CDH12: variants seen among roughly 807,000 people sequenced by gnomAD.
CDH12 encodes cadherin-12.
Under a neutral mutation model 74.1 loss-of-function variants are expected in CDH12, and 41 were observed. The observed-to-expected ratio is 0.55, with a 90% CI of 0.43 to 0.72. CDH12 has a LOEUF of 0.72. CDH12 is among the 30% of genes least tolerant of loss of function. The pLI, the probability that CDH12 is intolerant of heterozygous loss-of-function variation, is 0.00. For missense variants in CDH12, 945 were observed against 977.2 expected, an observed-to-expected ratio of 0.97 and a Z score of 0.44; for synonymous variants, 399 against 355.0, an observed-to-expected ratio of 1.12 and a Z score of -1.39.
chr5:21,889,287 G>GTA (rs1397664371), intron 6 of CDH12, among the ~76,000 whole-genome samples: 1 of 152,028 alleles, frequency 6.6e-6, no homozygotes, highest in Non-Finnish European at 1.5e-5. Context: ...TATTTTTCCT[G>GTA]TATATATTAT....
intron 1 of CDH12, among the ~76,000 whole-genome samples, chr5:22,827,433 C>T (rs976467996): frequency 1.3e-5 from 2 of 151,976 alleles, no homozygotes; most frequent in African/African-American, 4.8e-5. Context: ...ATTTATAAGA[C>T]TGTAAAGAGG....
At chr5:21,864,600 C>T (rs1579858826) in intron 6 of CDH12, among the ~76,000 whole-genome samples, 1 of 152,234 alleles carries the variant, frequency 6.6e-6, no homozygotes, top group African/African-American at 2.4e-5. Flanking sequence ...TATTCTATTA[C>T]AGGAGCACAA....
chr5:21,978,768 A>G (rs1184808229), intron 5 of CDH12, among the ~76,000 whole-genome samples: 4 of 152,120 alleles, frequency 2.6e-5, no homozygotes, highest in Non-Finnish European at 5.9e-5. Context: ...ATGTATACGC[A>G]CGTGTTTATG....
At chr5:21,917,322 A>T (rs1412755566) in intron 6 of CDH12, among the ~76,000 whole-genome samples, 26 of 152,166 alleles carry the variant, frequency 1.7e-4, no homozygotes, top group Admixed American at 1.7e-3. Context: ...CAGAACTGGG[A>T]TGTCATGTTT....
intron 7 of CDH12, among the ~76,000 whole-genome samples, 158 bp from the exon 8 acceptor site, chr5:21,842,486 C>T (rs1749927826): frequency 6.6e-6 from 1 of 151,986 alleles, no homozygotes; most frequent in Non-Finnish European, 1.5e-5. Context: ...TTCAAAATGT[C>T]CAATGGTTAG....
Position 22,734,057 on chromosome 5 carries a change from T to C in CDH12, c.-523+119001A>G, listed in dbSNP as rs115236711. Among the ~76,000 whole-genome samples, 788 of 152,038 alleles carry C rather than the reference T, an allele frequency of 5.2e-3. 13 individuals are homozygous for C. The highest frequency in any genetic ancestry group is 0.018 in the African/African-American group (758 of 41,510). ...GTGGTATCTTGCCCCCTATGTCGAC[T>C]AGCTGTGTGACTTTAGGAAAGTTTT... On this transcript the variant is annotated intron_variant, in intron 1 of 14. Coordinates refer to ENST00000382254, the MANE Select transcript of CDH12 (RefSeq NM_004061.5).
chr5:22,244,727 AAAAGAAAGAAAGAAAAG>A lies in CDH12; in HGVS notation c.-332-32101_-332-32085del, dbSNP rs1252316465. Among the ~76,000 whole-genome samples the A allele has an allele frequency of 6.6e-5, 9 of 136,138 alleles. No individual in the cohort carries two copies. The East Asian group carries it at 8.6e-4, about 13-fold the overall frequency. The allele number at this position is 136,138 out of a possible 152,430, so 89.3% of individuals were successfully genotyped here. Reference sequence around the variant, plus strand: ...AGAAAGAGAAAGAGAGAGAGAAAGAAAAAGAAAGAAAGAAAAGAAAGAAAGAAAGAAAGAAAGAAAGA... The same window carrying A: ...AGAAAGAGAAAGAGAGAGAGAAAGAAAAAGAAAGAAAGAAAGAAAGAAAGA... On this transcript the variant is annotated intron_variant, in intron 3 of 14. Transcript: ENST00000382254.
chr5:22,624,920 T>A (rs547494935), intron 1 of CDH12, among the ~76,000 whole-genome samples: 3 of 152,270 alleles, frequency 2.0e-5, no homozygotes, highest in African/African-American at 7.2e-5. Context: ...CAAATGTCCA[T>A]CAATGATAGA....
intron 1 of CDH12, among the ~76,000 whole-genome samples, chr5:22,775,617 G>A (rs1333311579): frequency 3.3e-5 from 5 of 151,946 alleles, no homozygotes; most frequent in African/African-American, 1.2e-4. Flanking sequence ...TTCCTTTTCG[G>A]TGAGATTAAC....
At chr5:21,801,493 T>C (rs1488406843) in intron 10 of CDH12, among the ~76,000 whole-genome samples, 1 of 152,070 alleles carries the variant, frequency 6.6e-6, no homozygotes, top group Non-Finnish European at 1.5e-5. Flanking sequence ...AATGCATAAA[T>C]GAGGAAAAGG....
chr5:22,276,499 T>C (rs1008762665), intron 3 of CDH12, among the ~76,000 whole-genome samples: 2 of 152,178 alleles, frequency 1.3e-5, no homozygotes, highest in Non-Finnish European at 2.9e-5. Flanking sequence ...TAAAAACTCA[T>C]CCCCTTGATG....
At chr5:22,719,138 G>T (rs1743743931) in intron 1 of CDH12, among the ~76,000 whole-genome samples, 1 of 152,118 alleles carries the variant, frequency 6.6e-6, no homozygotes, top group Admixed American at 6.6e-5. Context: ...GCAGTCTTGT[G>T]GGGATGGTTC....
At chr5:22,413,830 A>T (rs2126478789) in intron 2 of CDH12, among the ~76,000 whole-genome samples, 1 of 152,088 alleles carries the variant, frequency 6.6e-6, no homozygotes, top group South Asian at 2.1e-4. Context: ...TTAATAACTT[A>T]ATGTCACTAT....
chr5:22,409,995 C>T (rs946728955), intron 2 of CDH12, among the ~76,000 whole-genome samples: 1 of 151,996 alleles, frequency 6.6e-6, no homozygotes, highest in Non-Finnish European at 1.5e-5. Context: ...GATGATAATA[C>T]AAATTATTTT....
chr5:22,226,697 G>A (rs140830092), intron 3 of CDH12, among the ~76,000 whole-genome samples: 1 of 152,204 alleles, frequency 6.6e-6, no homozygotes, highest in East Asian at 1.9e-4. Context: ...ACAGCTTAAG[G>A]AAATGAACAC....
chr5:22,170,714 T>C (rs1303610046), intron 4 of CDH12, among the ~76,000 whole-genome samples: 2 of 151,878 alleles, frequency 1.3e-5, no homozygotes, highest in Non-Finnish European at 2.9e-5. Flanking sequence ...GTTAACATTG[T>C]ACAATCTAAC....
intron 1 of CDH12, among the ~76,000 whole-genome samples, chr5:22,601,356 T>G (rs1039774518): frequency 2.0e-5 from 3 of 151,612 alleles, no homozygotes; most frequent in African/African-American, 7.3e-5. Context: ...GCTAAATGAT[T>G]AGAATGCATG....
At chr5:22,614,966 C>T (rs1446495974) in intron 1 of CDH12, among the ~76,000 whole-genome samples, 2 of 152,014 alleles carry the variant, frequency 1.3e-5, no homozygotes, top group Non-Finnish European at 2.9e-5. Flanking sequence ...AGGGAAGATT[C>T]ATGTCATCCA....
At chr5:22,589,707 T>C (rs2126797130) in intron 1 of CDH12, among the ~76,000 whole-genome samples, 1 of 152,326 alleles carries the variant, frequency 6.6e-6, no homozygotes, top group South Asian at 2.1e-4. Flanking sequence ...TTTTTAGTTT[T>C]CCTCTTTCTC....
Sources: allele counts gnomAD v4.1 joint callset (sites outside exome capture counted in the v4.1 genomes callset), GRCh38; gene constraint gnomAD v4.1.1; transcripts MANE v1.5; gene names NCBI Gene and HGNC (gene_info 2026-07-23, HGNC 2026-07-21).